Variants in LRFN2 observed in about 807,000 individuals in gnomAD.
LRFN2 encodes leucine-rich repeat and fibronectin type-III domain-containing protein 2.
A neutral mutation model predicts 37.3 loss-of-function variants in LRFN2; 18 were observed. That is an observed-to-expected ratio of 0.48 (90% confidence interval 0.33 to 0.72). LRFN2 has a LOEUF of 0.72. LRFN2 is among the 30% of genes least tolerant of loss of function. The probability of loss-of-function intolerance (pLI) is 0.02; values close to 1 mark genes in which losing one functional copy is unlikely to be tolerated. For missense variants in LRFN2, 1,006 were observed against 1,060.7 expected (o/e 0.95, Z 0.72); for synonymous variants, 556 against 466.6 (o/e 1.19, Z -2.47).
intron 1 of LRFN2, among the ~76,000 whole-genome samples, chr6:40,452,742 A>G (rs1245051845): frequency 6.6e-6 from 1 of 152,196 alleles, no homozygotes; most frequent in Non-Finnish European, 1.5e-5. Context: ...CCGTATGAAC[A>G]TTATGGAATT....
chr6:40,460,968 T>G (rs1030550917), intron 1 of LRFN2, among the ~76,000 whole-genome samples: 1 of 152,220 alleles, frequency 6.6e-6, no homozygotes, highest in African/African-American at 2.4e-5. Flanking sequence ...GGCTATTGAA[T>G]GAAACAATGA....
intron 1 of LRFN2, among the ~76,000 whole-genome samples, chr6:40,497,678 C>A (rs768217827): frequency 2.0e-4 from 31 of 152,120 alleles, no homozygotes; most frequent in Non-Finnish European, 2.9e-5. Flanking sequence ...AGTTTCCACA[C>A]CTGCATCAAG....
At chr6:40,452,189 G>C (rs1454987848) in intron 1 of LRFN2, among the ~76,000 whole-genome samples, 2 of 152,162 alleles carry the variant, frequency 1.3e-5, no homozygotes, top group Non-Finnish European at 2.9e-5. Context: ...GCAAAGTGTA[G>C]ATCAGAATTG....
chr6:40,440,650 G>A (rs1265550466), intron 1 of LRFN2, among the ~76,000 whole-genome samples: 1 of 152,280 alleles, frequency 6.6e-6, no homozygotes, highest in East Asian at 1.9e-4. Context: ...CCAGAGAACA[G>A]TCCCCAACCA....
chr6:40,478,777 T>C (rs1049303166), intron 1 of LRFN2, among the ~76,000 whole-genome samples: 1 of 152,228 alleles, frequency 6.6e-6, no homozygotes, highest in African/African-American at 2.4e-5. Flanking sequence ...TATGCACACA[T>C]GCACATATGT....
chr6:40,411,469 G>C (rs1055363882), intron 2 of LRFN2, among the ~76,000 whole-genome samples: 1 of 152,218 alleles, frequency 6.6e-6, no homozygotes, highest in African/African-American at 2.4e-5. Context: ...GAGCACCTGT[G>C]AACATGCACA....
At chr6:40,535,236 T>C (rs1315697016) in intron 1 of LRFN2, among the ~76,000 whole-genome samples, 2 of 152,142 alleles carry the variant, frequency 1.3e-5, no homozygotes, top group Admixed American at 1.3e-4. Flanking sequence ...TCAAATGAGA[T>C]GATGAAAGGG....
intron 1 of LRFN2, among the ~76,000 whole-genome samples, chr6:40,465,161 T>C (rs763154232): frequency 1.7e-4 from 26 of 152,160 alleles, no homozygotes; most frequent in Non-Finnish European, 3.8e-4. Context: ...GATGGGGTCA[T>C]AAGCTAAGGA....
chr6:40,555,528 G>A (rs35873892), intron 1 of LRFN2, among the ~76,000 whole-genome samples: 14,384 of 152,212 alleles, frequency 0.094, 798 homozygotes, highest in Non-Finnish European at 0.12. Context: ...TTGCCACGCA[G>A]ATCCCCCTCC....
chr6:40,573,036 T>A (rs539179537), intron 1 of LRFN2, among the ~76,000 whole-genome samples: 2 of 152,314 alleles, frequency 1.3e-5, no homozygotes, highest in East Asian at 3.9e-4. Context: ...TGAACAGAAC[T>A]GAAAAGGACT....
chr6:40,504,361 A>G (rs1019317296), intron 1 of LRFN2, among the ~76,000 whole-genome samples: 1 of 152,172 alleles, frequency 6.6e-6, no homozygotes, highest in African/African-American at 2.4e-5. Flanking sequence ...TAATCACAGG[A>G]CGATCTTAAA....
chr6:40,522,404 C>A (rs79270660), intron 1 of LRFN2, among the ~76,000 whole-genome samples: 3,708 of 152,180 alleles, frequency 0.024, 71 homozygotes, highest in East Asian at 0.055. Flanking sequence ...CAGCCCACTA[C>A]CCAAGGCACA....
chr6:40,413,342 A>G (rs2113806999), intron 2 of LRFN2, among the ~76,000 whole-genome samples: 1 of 152,294 alleles, frequency 6.6e-6, no homozygotes, highest in South Asian at 2.1e-4. Flanking sequence ...TCCGAGATTC[A>G]CAGTGTCATC....
chr6:40,394,361 C>G (rs1269645258), intron 2 of LRFN2, among the ~76,000 whole-genome samples: 1 of 152,114 alleles, frequency 6.6e-6, no homozygotes, highest in African/African-American at 2.4e-5. Flanking sequence ...TTGGTAGTTC[C>G]TCCACTCCCA....
chr6:40,496,619 T>G (rs142002387), intron 1 of LRFN2, among the ~76,000 whole-genome samples: 2 of 152,082 alleles, frequency 1.3e-5, no homozygotes, highest in African/African-American at 4.8e-5. Flanking sequence ...TCAGGTCAGA[T>G]GCAGTGTCCT....
At chr6:40,545,374 G>A (rs766897265) in intron 1 of LRFN2, among the ~76,000 whole-genome samples, 76 of 152,248 alleles carry the variant, frequency 5.0e-4, no homozygotes, top group Admixed American at 7.9e-4. Context: ...GACCTCCTAC[G>A]AGGCCCCTCA....
At chr6:40,480,906 C>T (rs1764812255) in intron 1 of LRFN2, among the ~76,000 whole-genome samples, 2 of 152,150 alleles carry the variant, frequency 1.3e-5, no homozygotes, top group South Asian at 2.1e-4. Context: ...CCTAATGATT[C>T]TGAAATTCAT....
chr6:40,504,052 C>G (rs951123430), intron 1 of LRFN2, among the ~76,000 whole-genome samples: 2 of 151,874 alleles, frequency 1.3e-5, no homozygotes, highest in African/African-American at 4.8e-5. Flanking sequence ...AAGGGGGAAG[C>G]AGTTCACTTC....
chr6:40,457,073 G>C (rs1284381642), intron 1 of LRFN2, among the ~76,000 whole-genome samples: 1 of 149,074 alleles, frequency 6.7e-6, no homozygotes, highest in African/African-American at 2.5e-5. Flanking sequence ...CCTTTCCTCT[G>C]TTCTCTCCTC....
Sources: allele counts gnomAD v4.1 joint callset (sites outside exome capture counted in the v4.1 genomes callset), GRCh38; gene constraint gnomAD v4.1.1; transcripts MANE v1.5; gene names NCBI Gene and HGNC (gene_info 2026-07-23, HGNC 2026-07-21).